Variants in AACS observed in about 807,000 individuals in gnomAD.
AACS encodes the protein acetoacetyl-CoA synthetase.
Under a neutral mutation model 83.1 loss-of-function variants are expected in AACS, and 69 were observed. That is an observed-to-expected ratio of 0.83 (90% CI 0.68 to 1.01). The LOEUF is 1.01. Among genes scored for constraint, AACS ranks in the 50% least tolerant of loss-of-function variants. The pLI is 0.00. For synonymous variants in AACS, 333 were observed against 343.4 expected, an observed-to-expected ratio of 0.97 and a Z score of 0.33; for missense variants, 866 against 882.2, an observed-to-expected ratio of 0.98 and a Z score of 0.23.
At chr12:125,106,986 A>T in intron 7 of AACS, 135 bp from the exon 8 acceptor site, 1 of 1,326,230 alleles carries the variant, frequency 7.5e-7, no homozygotes, top group Non-Finnish European at 1.0e-6. Flanking sequence ...GAAGTTTCCA[A>T]ATCTGGCCAC....
chr12:125,073,318 T>C (rs1444600870), intron 1 of AACS, among the ~76,000 whole-genome samples: 2 of 152,336 alleles, frequency 1.3e-5, no homozygotes, highest in Middle Eastern at 3.4e-3. Context: ...CCCAACATTA[T>C]ACTGGCCTTG....
chr12:125,076,698 G>A lies in AACS; in HGVS notation c.358+87G>A, dbSNP rs1004458517. ...CGGTGCCACATATTTGGAGAGATAGGATTTCTAAACCATATGTTGGCACCT... is the reference window on the plus strand; with the variant it reads ...CGGTGCCACATATTTGGAGAGATAGAATTTCTAAACCATATGTTGGCACCT... On this transcript the variant is annotated intron_variant, in intron 3 of 17. Coordinates refer to ENST00000316519, the MANE Select transcript of AACS (RefSeq NM_023928.5). The A allele has an allele frequency of 2.8e-5, 43 of 1,559,494 alleles. 2 individuals are homozygous for A. In the South Asian group the frequency reaches 4.8e-4, roughly 17 times the overall value.
chr12:125,139,739 C>T (rs1021762268), intron 17 of AACS: 4 of 152,320 alleles, frequency 2.6e-5, no homozygotes, highest in African/African-American at 7.2e-5. Flanking sequence ...ACAGTGTTTA[C>T]CATGGGGGTG....
chr12:125,102,364 T>C, intron 5 of AACS: 1 of 282,058 alleles, frequency 3.5e-6, no homozygotes, highest in Admixed American at 4.6e-5. Context: ...CGACTTTCTT[T>C]ATTGGCTACG....
intron 1 of AACS, among the ~76,000 whole-genome samples, chr12:125,069,701 G>A (rs1318725992): frequency 6.6e-6 from 1 of 152,238 alleles, no homozygotes; most frequent in East Asian, 1.9e-4. Flanking sequence ...TCTTTTGGAG[G>A]ACTGTGCCAA....
At chr12:125,114,935 C>A (rs1957029323) in intron 9 of AACS, among the ~76,000 whole-genome samples, 1 of 152,022 alleles carries the variant, frequency 6.6e-6, no homozygotes, top group African/African-American at 2.4e-5. Flanking sequence ...TAAGGGCTTC[C>A]CCGGGCGCCG....
At chr12:125,106,564 T>G (rs1956837799) in intron 7 of AACS, among the ~76,000 whole-genome samples, 1 of 152,220 alleles carries the variant, frequency 6.6e-6, no homozygotes, top group Non-Finnish European at 1.5e-5. Context: ...TTTAGGAAAT[T>G]GACCCCACAT....
intron 1 of AACS, 111 bp downstream of exon 1, chr12:125,065,828 T>G: frequency 7.3e-7 from 1 of 1,373,222 alleles, no homozygotes; most frequent in East Asian, 3.0e-5. Flanking sequence ...GAGGAGCCAC[T>G]TGATGGCGGG....
chr12:125,116,487 G>A (rs1028932970), intron 9 of AACS, among the ~76,000 whole-genome samples: 7 of 151,824 alleles, frequency 4.6e-5, no homozygotes, highest in Non-Finnish European at 8.8e-5. Context: ...TTTTTGAGAC[G>A]GAGGCTCACT....
intron 16 of AACS, 85 bp downstream of exon 16, chr12:125,134,937 C>T: frequency 1.7e-5 from 25 of 1,486,076 alleles, no homozygotes; most frequent in Non-Finnish European, 2.3e-5. Context: ...CCACCTTTGG[C>T]ACAACTCTGG....
chr12:125,115,100 T>A (rs1477107839), intron 9 of AACS, among the ~76,000 whole-genome samples: 1 of 152,118 alleles, frequency 6.6e-6, no homozygotes, highest in Admixed American at 6.5e-5. Context: ...ATAACTCAAC[T>A]CAAGGTGTTG....
At position 125,136,842 on chromosome 12, in the gene AACS, T is replaced by C. The variant is rs986411766; in HGVS notation, c.1859T>C (p.Ile620Thr). 6.2e-7 allele frequency: 1 copy of C among 1,613,478 alleles called. No individual in the cohort carries two copies. Among genetic ancestry groups the C allele is most frequent in the African/African-American group, 1.3e-5 (1 of 74,924 alleles). ...GLSARHVPSL[I>T]LETKGIPYTL... is the part of the protein sequence containing the mutation. ...TCTGCGCGACACGTGCCCAGCCTCATCCTGGAAACCAAGGGCATCCCGGTA... is the reference window on the plus strand; with the variant it reads ...TCTGCGCGACACGTGCCCAGCCTCACCCTGGAAACCAAGGGCATCCCGGTA... The change falls in exon 17 of 18, where the codon ATC becomes ACC. Residue 620 changes from isoleucine (I) to threonine (T), a missense_variant. Ile to Thr is a moderately conservative substitution (Grantham distance 89). Transcript: ENST00000316519.
intron 4 of AACS, among the ~76,000 whole-genome samples, chr12:125,088,917 A>T (rs915790072): frequency 2.0e-5 from 3 of 152,346 alleles, no homozygotes; most frequent in African/African-American, 7.2e-5. Context: ...AAAACACTAG[A>T]AAATGATTAA....
chr12:125,107,269 G>C lies in AACS; in HGVS notation c.915+1G>C. The stretch of plus-strand genomic sequence containing the variant: ...CAAGTGCATGGTGCATTCCGCTGGG[G>C]TAGGTCTCTGGGGAAGGCTCTGCAG... On this transcript the variant is annotated splice_donor_variant, in intron 8 of 17. Coordinates refer to ENST00000316519, the MANE Select transcript of AACS (RefSeq NM_023928.5). LOFTEE classifies it high-confidence loss of function. The C allele has an allele frequency of 1.2e-6, 2 of 1,613,222 alleles. No homozygotes were observed. The highest frequency in any genetic ancestry group is 8.5e-7 in the Non-Finnish European group (1 of 1,179,824).
intron 8 of AACS, 33 bp from the exon 9 acceptor site, chr12:125,114,444 G>T: frequency 6.2e-7 from 1 of 1,600,412 alleles, no homozygotes. Flanking sequence ...ATGCCTAACA[G>T]AGAGCACCCG....
At chr12:125,107,438 C>T (rs1956860088) in intron 8 of AACS, among the ~76,000 whole-genome samples, 170 bp downstream of exon 8, 1 of 152,242 alleles carries the variant, frequency 6.6e-6, no homozygotes, top group Admixed American at 6.5e-5. Flanking sequence ...CGGCACTGGG[C>T]CCAGGGCAGT....
In AACS at chr12:125,132,505, C is replaced by T. The variant is rs1440931996; in HGVS notation, c.1550-1498C>T. Among the ~76,000 whole-genome samples the T allele has an allele frequency of 2.0e-5, 3 of 152,192 alleles. No homozygotes were observed. The East Asian group carries it at 5.8e-4, about 29-fold the overall frequency. On this transcript the variant is annotated intron_variant, in intron 14 of 17. Transcript: ENST00000316519. ...ATCTTCCAGGGCTGCCATTCATAGA[C>T]TCAGTTTGCTGAGTAGCCATACAGG...
intron 7 of AACS, 79 bp from the exon 8 acceptor site, chr12:125,107,042 A>G (rs1956848572): frequency 6.5e-7 from 1 of 1,546,892 alleles, no homozygotes; most frequent in East Asian, 2.3e-5. Context: ...AACAGAGGGA[A>G]GTGCACGGGT....
intron 3 of AACS, among the ~76,000 whole-genome samples, chr12:125,077,102 G>A (rs1403183297): frequency 7.0e-6 from 1 of 143,598 alleles, no homozygotes; most frequent in Non-Finnish European, 1.5e-5. Context: ...TTTTAGTAGA[G>A]ACAGGGTCTT....
Sources: allele counts gnomAD v4.1 joint callset (sites outside exome capture counted in the v4.1 genomes callset), GRCh38; gene constraint gnomAD v4.1.1; transcripts MANE v1.5; gene names NCBI Gene and HGNC (gene_info 2026-07-23, HGNC 2026-07-21).